CMSS1: variants seen among roughly 807,000 people sequenced by gnomAD.
CMSS1 encodes protein CMSS1.
Under a neutral mutation model 43.5 loss-of-function variants are expected in CMSS1, and 33 were observed. The observed-to-expected ratio is 0.76, with a 90% CI of 0.57 to 1.01. CMSS1 has a LOEUF of 1.01. Ranked by LOEUF, CMSS1 falls within the 50% of genes least tolerant of loss-of-function variation. The pLI, the probability that CMSS1 is intolerant of heterozygous loss-of-function variation, is 0.00. For synonymous variants in CMSS1, 115 were observed against 117.2 expected (o/e 0.98, Z 0.12); for missense variants, 313 against 326.4 (o/e 0.96, Z 0.32).
chr3:99,991,020 G>T (rs1422224863), intron 1 of CMSS1, among the ~76,000 whole-genome samples: 1 of 152,132 alleles, frequency 6.6e-6, no homozygotes, highest in Non-Finnish European at 1.5e-5. Context: ...ATCCACAAAT[G>T]ACAAAGATGC....
intron 1 of CMSS1, among the ~76,000 whole-genome samples, chr3:100,073,955 G>A (rs1452386418): frequency 2.0e-5 from 3 of 152,014 alleles, no homozygotes; most frequent in African/African-American, 7.2e-5. Context: ...GTTTCCTTTC[G>A]GTGTGGCCAT....
intron 1 of CMSS1, among the ~76,000 whole-genome samples, chr3:99,820,200 CTT>C (rs1185435079): frequency 2.8e-5 from 4 of 144,550 alleles, no homozygotes; most frequent in Non-Finnish European, 4.6e-5. Flanking sequence ...AAGACTAACC[CTT>C]TTTTTTTTTT....
At chr3:99,977,170 C>T (rs1018132141) in intron 1 of CMSS1, among the ~76,000 whole-genome samples, 13 of 152,154 alleles carry the variant, frequency 8.5e-5, no homozygotes, top group Admixed American at 7.9e-4. Context: ...TACACAGTTC[C>T]CTTGTAAGAG....
At chr3:100,004,846 A>G (rs1709943883) in intron 1 of CMSS1, among the ~76,000 whole-genome samples, 1 of 152,226 alleles carries the variant, frequency 6.6e-6, no homozygotes. Flanking sequence ...GCAGGTGGGG[A>G]AAATCTGGCC....
chr3:99,982,344 AC>A (rs1180455762), intron 1 of CMSS1, among the ~76,000 whole-genome samples: 8 of 149,848 alleles, frequency 5.3e-5, no homozygotes, highest in Non-Finnish European at 1.2e-4. Context: ...GTAATTTTTT[AC>A]TTTTTTTTTT....
At position 99,946,505 on chromosome 3, in the gene CMSS1, A is replaced by G. The variant is rs142263672; in HGVS notation, c.64+128462A>G. Among the ~76,000 whole-genome samples the G allele has an allele frequency of 7.3e-3, 1,105 of 152,352 alleles. 19 individuals carry two copies. The highest frequency in any genetic ancestry group is 0.024 in the African/African-American group (1,018 of 41,588). ...CTGACACAAATGATTTCATGTCTGT[A>G]TCAGAACTGCCCTGTTGATGTAGCT... On this transcript the variant is annotated intron_variant, in intron 1 of 9. Coordinates refer to ENST00000421999, the MANE Select transcript of CMSS1 (RefSeq NM_032359.4).
intron 1 of CMSS1, chr3:100,025,511 G>A (rs967800593): frequency 1.3e-5 from 2 of 152,108 alleles, no homozygotes; most frequent in Non-Finnish European, 2.9e-5. Flanking sequence ...AAAACCATTA[G>A]GATGAATACG....
At position 100,176,417 on chromosome 3, in the gene CMSS1, T is replaced by A; in HGVS notation, c.756+2T>A. The A allele has an allele frequency of 6.2e-7, 1 of 1,603,054 alleles. No homozygotes were observed. The highest frequency in any genetic ancestry group is 8.5e-7 in the Non-Finnish European group (1 of 1,170,280). On this transcript the variant is annotated splice_donor_variant, in intron 9 of 9. Coordinates refer to ENST00000421999, the MANE Select transcript of CMSS1 (RefSeq NM_032359.4). LOFTEE classifies it high-confidence loss of function. ...AGGAGAATGATGGACATTCCCGAGG[T>A]ACCACGTAACCAGCAGTTGCCTTTA...
rs1266742366 is a variant in CMSS1, at chr3:100,062,406, C to T, written c.65-84567C>T. Among the ~76,000 whole-genome samples the T allele has an allele frequency of 5.3e-5, 8 of 152,074 alleles. No homozygotes were observed. In the East Asian group the frequency reaches 5.8e-4, roughly 11 times the overall value. ...GATTACAGGTGTGAGCCACCGCGCCCGGTCTATCCTGTCTTCTTTTAACAG... is the reference window on the plus strand; with the variant it reads ...GATTACAGGTGTGAGCCACCGCGCCTGGTCTATCCTGTCTTCTTTTAACAG... On this transcript the variant is annotated intron_variant, in intron 1 of 9. Transcript: ENST00000421999.
chr3:100,015,046 A>C (rs1403961247), intron 1 of CMSS1, among the ~76,000 whole-genome samples: 1 of 150,994 alleles, frequency 6.6e-6, no homozygotes, highest in Non-Finnish European at 1.5e-5. Flanking sequence ...TAAGGCTTTA[A>C]TCTATCTTGA....
intron 1 of CMSS1, among the ~76,000 whole-genome samples, chr3:100,074,043 C>T (rs989848847): frequency 3.9e-5 from 6 of 152,136 alleles, no homozygotes; most frequent in South Asian, 2.1e-4. Flanking sequence ...CTGTTAACTG[C>T]GGGAAAAGGT....
chr3:100,074,697 TTTTTTTTTTTTTTTG>T (rs1276614134), intron 1 of CMSS1, among the ~76,000 whole-genome samples: 1 of 113,378 alleles, frequency 8.8e-6, no homozygotes, highest in Non-Finnish European at 1.8e-5. Flanking sequence ...TTTTTTTTTT[TTTTTTTTTTTTTTTG>T]AGACGAAGTC....
At chr3:99,973,459 C>T (rs1454740097) in intron 1 of CMSS1, among the ~76,000 whole-genome samples, 1 of 152,078 alleles carries the variant, frequency 6.6e-6, no homozygotes. Flanking sequence ...CTAAAATATG[C>T]AGTTATAAAT....
intron 1 of CMSS1, among the ~76,000 whole-genome samples, chr3:99,961,545 G>A (rs1708491128): frequency 6.6e-6 from 1 of 152,160 alleles, no homozygotes; most frequent in Non-Finnish European, 1.5e-5. Flanking sequence ...GTGACGTGCA[G>A]CTGAATACTG....
At chr3:99,990,318 G>A (rs1709475539) in intron 1 of CMSS1, among the ~76,000 whole-genome samples, 1 of 152,136 alleles carries the variant, frequency 6.6e-6, no homozygotes, top group Non-Finnish European at 1.5e-5. Context: ...ATTGCCAACT[G>A]AACCATGGCA....
intron 1 of CMSS1, among the ~76,000 whole-genome samples, chr3:99,927,240 A>G (rs1707321523): frequency 6.6e-6 from 1 of 152,252 alleles, no homozygotes; most frequent in Admixed American, 6.5e-5. Flanking sequence ...GAATAAAATT[A>G]AATTTAAAAG....
intron 1 of CMSS1, among the ~76,000 whole-genome samples, chr3:99,840,748 A>G (rs142127041): frequency 1.4e-3 from 216 of 152,366 alleles, no homozygotes; most frequent in African/African-American, 4.9e-3. Flanking sequence ...CTTAAAGATC[A>G]CCAAGTTCAA....
At chr3:100,035,853 T>C (rs905679091) in intron 1 of CMSS1, among the ~76,000 whole-genome samples, 53 of 152,208 alleles carry the variant, frequency 3.5e-4, no homozygotes, top group Non-Finnish European at 7.2e-4. Context: ...TCCCCCACAT[T>C]GGATTCTTTG....
At chr3:100,150,227 T>A (rs1484760323) in intron 2 of CMSS1, among the ~76,000 whole-genome samples, 1 of 152,224 alleles carries the variant, frequency 6.6e-6, no homozygotes, top group Non-Finnish European at 1.5e-5. Context: ...GTAAGTCCCT[T>A]GGGGCCAGGG....
Sources: allele counts gnomAD v4.1 joint callset (sites outside exome capture counted in the v4.1 genomes callset), GRCh38; gene constraint gnomAD v4.1.1; transcripts MANE v1.5; gene names NCBI Gene and HGNC (gene_info 2026-07-23, HGNC 2026-07-21).